The following PLCG2 variants were observed in gnomAD, a reference collection of about 807,000 sequenced individuals.
The protein encoded by PLCG2 is 1-phosphatidylinositol 4,5-bisphosphate phosphodiesterase gamma-2.
PLCG2 carries 69 observed loss-of-function variants against 175.6 expected under a neutral mutation model. That is an observed-to-expected ratio of 0.39 (90% CI 0.32 to 0.48). PLCG2 has a LOEUF of 0.48. Among genes scored for constraint, PLCG2 ranks in the 20% least tolerant of loss-of-function variants. The pLI, the probability that PLCG2 is intolerant of heterozygous loss-of-function variation, is 0.91. For missense variants in PLCG2, 1,798 were observed against 1,650.9 expected, an observed-to-expected ratio of 1.09 and a Z score of -1.54; for synonymous variants, 827 against 624.0, an observed-to-expected ratio of 1.33 and a Z score of -4.85.
At chr16:81,868,491 C>G (rs1007113435) in intron 5 of PLCG2, among the ~76,000 whole-genome samples, 1 of 152,186 alleles carries the variant, frequency 6.6e-6, no homozygotes, top group Non-Finnish European at 1.5e-5. Flanking sequence ...TTCTGCCAAG[C>G]CCGTCCTGTG....
At chr16:81,856,077 C>T (rs79444755) in intron 3 of PLCG2, among the ~76,000 whole-genome samples, 4,239 of 152,204 alleles carry the variant, frequency 0.028, 74 homozygotes, top group South Asian at 0.054. Context: ...GTCCCTCTTC[C>T]GGAACCCTAA....
chr16:81,875,703 C>A (rs1907748348), intron 7 of PLCG2, among the ~76,000 whole-genome samples: 2 of 152,328 alleles, frequency 1.3e-5, no homozygotes, highest in South Asian at 2.1e-4. Context: ...CCTGATCAAA[C>A]CTGTGAAGTC....
chr16:81,904,541 G>A (rs964442479), intron 14 of PLCG2, among the ~76,000 whole-genome samples: 5 of 152,206 alleles, frequency 3.3e-5, no homozygotes, highest in Admixed American at 6.5e-5. Flanking sequence ...TTTGCACCCC[G>A]GTCGCCTTAG....
chr16:81,833,060 A>AG (rs1469940482), intron 2 of PLCG2, among the ~76,000 whole-genome samples: 1 of 152,148 alleles, frequency 6.6e-6, no homozygotes. Context: ...CCTCTCAGAG[A>AG]GGGGGTGTCT....
At position 81,960,880 on chromosome 16, in the gene PLCG2, C is replaced by T. The variant is rs941114493; in HGVS notation, c.*2882C>T. On this transcript the variant is annotated 3_prime_UTR_variant, in exon 33 of 33. Coordinates refer to ENST00000564138, the MANE Select transcript of PLCG2 (RefSeq NM_002661.5). ...CTCAGGGGAGCAGTGTTCAGAGCCTCATCTTCCTGTTATATTCTTCTCTAA... is the reference window on the plus strand; with the variant it reads ...CTCAGGGGAGCAGTGTTCAGAGCCTTATCTTCCTGTTATATTCTTCTCTAA... 8.7e-6 allele frequency: 2 copies of T among 229,544 alleles called. No individual in the cohort carries two copies. Among genetic ancestry groups the T allele is most frequent in the African/African-American group, 2.2e-5 (1 of 45,164 alleles). 14.2% of individuals were successfully genotyped at this position (229,544 alleles called of 1,614,324 possible). A position where few individuals can be genotyped will look rare whatever the true frequency, so the allele number is the denominator to read the frequency against.
At position 81,868,011 on chromosome 16, in the gene PLCG2, C is replaced by T. The variant is rs372752960; in HGVS notation, c.480-1203C>T. 5.9e-5 allele frequency among the ~76,000 whole-genome samples: 9 copies of T among 152,164 alleles called. No individual in the cohort carries two copies. In the East Asian group the frequency reaches 9.6e-4, roughly 16 times the overall value. On this transcript the variant is annotated intron_variant, in intron 5 of 32. Transcript: ENST00000564138. ...ACCACCGTGCCTGGCCCTCGCTTCC[C>T]GCTTCAGCTGAACCTCACTATGTGG...
In PLCG2 at chr16:81,800,546, C is replaced by T. The variant is rs528220286; in HGVS notation, c.193+14364C>T. ...TATGTCCCTGCGAAGGACACGATCT[C>T]GTTCCGTTTTATGGCTGCATAGTAT... On this transcript the variant is annotated intron_variant, in intron 2 of 32. Transcript: ENST00000564138. 3.6e-4 allele frequency among the ~76,000 whole-genome samples: 55 copies of T among 152,220 alleles called. No individual in the cohort carries two copies. In the South Asian group the frequency reaches 8.3e-3, roughly 23 times the overall value.
In PLCG2 at chr16:81,937,891, G is replaced by T. The variant is rs750433397; in HGVS notation, c.3186G>T (p.Thr1062=). 6 of 1,614,028 alleles carry T rather than the reference G, an allele frequency of 3.7e-6. No individual in the cohort carries two copies. Among genetic ancestry groups the T allele is most frequent in the South Asian group, 2.2e-5 (2 of 91,062 alleles). ...PPESQRKILM[T]LTVKVLGARH... is the part of the protein sequence containing the mutation. ...AGTCCCAGAGGAAGATCCTGATGACGCTGACAGTCAAGGTAAAGCCAGCCC... is the reference window on the plus strand; with the variant it reads ...AGTCCCAGAGGAAGATCCTGATGACTCTGACAGTCAAGGTAAAGCCAGCCC... Residue 1062 remains threonine, a synonymous_variant, in exon 28 of 33, where the codon ACG becomes ACT. Coordinates refer to ENST00000564138, the MANE Select transcript of PLCG2 (RefSeq NM_002661.5).
chr16:81,955,907 A>G (rs949403702), intron 31 of PLCG2, among the ~76,000 whole-genome samples: 9 of 152,324 alleles, frequency 5.9e-5, no homozygotes, highest in African/African-American at 2.2e-4. Context: ...TTTGAGAGAT[A>G]ATTCATATAA....
chr16:81,899,285 T>TACAC (rs1276926709), intron 13 of PLCG2, among the ~76,000 whole-genome samples: 1 of 129,012 alleles, frequency 7.8e-6, no homozygotes, highest in African/African-American at 3.4e-5. Context: ...TATATATATA[T>TACAC]ATATACACAC....
rs1000683794 is a variant in PLCG2, at chr16:81,901,233, C to A, written c.1362+453C>A. On this transcript the variant is annotated intron_variant, in intron 14 of 32. Coordinates refer to ENST00000564138, the MANE Select transcript of PLCG2 (RefSeq NM_002661.5). The stretch of plus-strand genomic sequence containing the variant: ...TTGCAGCTTCCAGTTGTGTGGGAGG[C>A]GGGCAGTTGCTAGAAAAGGCTGAGT... 2.0e-5 allele frequency among the ~76,000 whole-genome samples: 3 copies of A among 152,132 alleles called. No homozygotes were observed. In the South Asian group the frequency reaches 6.2e-4, roughly 31 times the overall value.
Position 81,880,959 on chromosome 16 carries a change from G to T in PLCG2, c.692+6G>T. On this transcript the variant is annotated splice_donor_region_variant and intron_variant, in intron 8 of 32. Coordinates refer to ENST00000564138, the MANE Select transcript of PLCG2 (RefSeq NM_002661.5). ...TCGTCCGTGTTCATCCTGGGGTGAG[G>T]CAGCTCTTGTGTGTCGTTCGGGGCG... is the stretch of plus-strand genomic sequence containing the variant. 6.2e-7 allele frequency: 1 copy of T among 1,614,032 alleles called. No individual in the cohort carries two copies. The highest frequency in any genetic ancestry group is 1.1e-5 in the South Asian group (1 of 91,076).
rs545083611 is a variant in PLCG2, at chr16:81,918,910, A to T, written c.2055-574A>T. ...GAAAGACTTGTTTCTTTTTTTTTTT[A>T]AAAAAAGTCACTGTTTTGCTAGTTG... On this transcript the variant is annotated intron_variant, in intron 19 of 32. Coordinates refer to ENST00000564138, the MANE Select transcript of PLCG2 (RefSeq NM_002661.5). 1.4e-3 allele frequency among the ~76,000 whole-genome samples: 211 copies of T among 150,462 alleles called. 1 individual carries two copies. The highest frequency in any genetic ancestry group is 2.8e-3 in the Admixed American group (42 of 15,138).
chr16:81,846,914 A>G (rs901358960), intron 2 of PLCG2, among the ~76,000 whole-genome samples: 3 of 152,138 alleles, frequency 2.0e-5, no homozygotes, highest in African/African-American at 7.2e-5. Context: ...CCACGCATCA[A>G]GCAAACAATT....
At chr16:81,894,999 C>T (rs1183048651) in intron 12 of PLCG2, among the ~76,000 whole-genome samples, 1 of 152,226 alleles carries the variant, frequency 6.6e-6, no homozygotes, top group East Asian at 1.9e-4. Context: ...TATAGACTTT[C>T]TTCCCGTTTA....
chr16:81,953,064 TCAAA>T (rs1427418485), intron 31 of PLCG2, among the ~76,000 whole-genome samples: 2 of 152,148 alleles, frequency 1.3e-5, no homozygotes, highest in African/African-American at 2.4e-5. Flanking sequence ...CTGCATCGCC[TCAAA>T]CAAATTATAA....
At chr16:81,774,359 CA>C (rs1319972426), upstream of PLCG2, among the ~76,000 whole-genome samples, 3 of 151,482 alleles carry the variant, frequency 2.0e-5, no homozygotes, top group African/African-American at 7.3e-5. Flanking sequence ...ACAAAACCCA[CA>C]AAACCATTAA....
chr16:81,913,729 C>T (rs1252508494), intron 19 of PLCG2, among the ~76,000 whole-genome samples: 2 of 152,208 alleles, frequency 1.3e-5, no homozygotes, highest in African/African-American at 4.8e-5. Flanking sequence ...TGCATGGCAG[C>T]TACTGTGGGG....
chr16:81,866,549 C>T (rs1400003162), intron 5 of PLCG2, among the ~76,000 whole-genome samples: 1 of 84,882 alleles, frequency 1.2e-5, no homozygotes, highest in African/African-American at 3.4e-5. Flanking sequence ...TCCACTGGGG[C>T]ACCAGCATGA....
Sources: gnomAD v4.1 joint callset for allele counts (sites outside exome capture counted in the v4.1 genomes callset) on GRCh38, gnomAD v4.1.1 for gene constraint, MANE v1.5 for transcripts, NCBI Gene and HGNC (gene_info 2026-07-23, HGNC 2026-07-21) for gene names.